The following POU2AF2 variants were observed in gnomAD, a reference collection of about 807,000 sequenced individuals.
The protein encoded by POU2AF2 is POU class 2 homeobox associating factor 2.
the POU2AF2 span, among the ~76,000 whole-genome samples, chr11:111,276,453 A>ATATATATATAT: frequency 2.2e-3 from 81 of 37,502 alleles, no homozygotes; most frequent in East Asian, 3.7e-3. Flanking sequence ...AAAAAAAAAA[A>ATATATATATAT]ATATATATAT....
chr11:111,268,474 C>CTTTTTT, the POU2AF2 span, among the ~76,000 whole-genome samples: 102 of 70,820 alleles, frequency 1.4e-3, 6 homozygotes, highest in South Asian at 3.4e-3. Flanking sequence ...CTACATTTTT[C>CTTTTTT]TTTTTTTATT....
chr11:111,276,623 C>G, the POU2AF2 span, among the ~76,000 whole-genome samples: 1 of 139,104 alleles, frequency 7.2e-6, no homozygotes, highest in Admixed American at 7.4e-5. Context: ...GCCTGGGTGA[C>G]AGTGTGAGAT....
At chr11:111,253,970 G>A in the POU2AF2 span, among the ~76,000 whole-genome samples, 21 of 152,120 alleles carry the variant, frequency 1.4e-4, no homozygotes, top group Admixed American at 3.9e-4. Context: ...GAAGTGATGC[G>A]TTCTGGGTTT....
chr11:111,284,356 A>G, the POU2AF2 span: 2 of 1,607,766 alleles, frequency 1.2e-6, no homozygotes. Flanking sequence ...CCTTCCCCGG[A>G]GACCCAGCTC....
At chr11:111,275,486 C>T in the POU2AF2 span, among the ~76,000 whole-genome samples, 2 of 152,128 alleles carry the variant, frequency 1.3e-5, no homozygotes, top group Non-Finnish European at 2.9e-5. Context: ...GGAGGCTGAA[C>T]CTTGGACTCC....
chr11:111,270,999 G>C, the POU2AF2 span, among the ~76,000 whole-genome samples: 51 of 152,048 alleles, frequency 3.4e-4, no homozygotes, highest in Middle Eastern at 3.2e-3. Context: ...AAATTTCCTC[G>C]AGCAATATTT....
At chr11:111,264,307 C>T in the POU2AF2 span, among the ~76,000 whole-genome samples, 1 of 151,840 alleles carries the variant, frequency 6.6e-6, no homozygotes, top group Non-Finnish European at 1.5e-5. Context: ...ACCAGCCTGG[C>T]CAACGTGGTG....
chr11:111,268,539 T>TTTATTTTATTTTA, the POU2AF2 span, among the ~76,000 whole-genome samples: 3 of 102,038 alleles, frequency 2.9e-5, no homozygotes, highest in African/African-American at 1.4e-4. Flanking sequence ...TTTATTTTAT[T>TTTATTTTATTTTA]TTATTTTATT....
At chr11:111,284,343 C>T in the POU2AF2 span, 11 of 1,609,704 alleles carry the variant, frequency 6.8e-6, no homozygotes, top group East Asian at 2.0e-4. Flanking sequence ...CTCCTGCCAC[C>T]GCCCTTCCCC....
At chr11:111,263,934 G>A in the POU2AF2 span, among the ~76,000 whole-genome samples, 1 of 152,194 alleles carries the variant, frequency 6.6e-6, no homozygotes, top group South Asian at 2.1e-4. Context: ...TTTGCCAAGG[G>A]CTTGGCACAT....
the POU2AF2 span, among the ~76,000 whole-genome samples, chr11:111,259,384 C>T: frequency 1.3e-5 from 2 of 149,360 alleles, no homozygotes; most frequent in African/African-American, 2.5e-5. Flanking sequence ...GGCACAATCT[C>T]GGCTCACTGC....
chr11:111,264,590 CAGAAAGA>C, the POU2AF2 span, among the ~76,000 whole-genome samples: 1 of 111,818 alleles, frequency 8.9e-6, no homozygotes, highest in Non-Finnish European at 1.9e-5. Flanking sequence ...GAGAGAAAGA[CAGAAAGA>C]AGAAAGAGAC....
the POU2AF2 span, among the ~76,000 whole-genome samples, chr11:111,264,865 A>G: frequency 1.4e-5 from 2 of 142,190 alleles, no homozygotes; most frequent in Non-Finnish European, 3.1e-5. Flanking sequence ...GAAAAGAGAC[A>G]GAAGGAAGGA....
chr11:111,246,471 A>T, the POU2AF2 span, among the ~76,000 whole-genome samples: 1 of 152,222 alleles, frequency 6.6e-6, no homozygotes, highest in South Asian at 2.1e-4. Context: ...TCGCGAACAA[A>T]TTTAAGATTG....
the POU2AF2 span, among the ~76,000 whole-genome samples, chr11:111,265,690 G>A: frequency 5.2e-3 from 792 of 152,184 alleles, 2 homozygotes; most frequent in Middle Eastern, 0.01. Flanking sequence ...AAATGTCTCA[G>A]CAAAGGTGTG....
chr11:111,284,495 G>A, the POU2AF2 span: 4 of 1,257,694 alleles, frequency 3.2e-6, no homozygotes, highest in Non-Finnish European at 4.3e-6. Flanking sequence ...GTAGACTCCA[G>A]AGGCTGCTTT....
At chr11:111,277,663 G>A in the POU2AF2 span, among the ~76,000 whole-genome samples, 1 of 152,224 alleles carries the variant, frequency 6.6e-6, no homozygotes, top group South Asian at 2.1e-4. Flanking sequence ...TGTCTCACAG[G>A]GGCCTTGATC....
At chr11:111,266,332 C>G in the POU2AF2 span, among the ~76,000 whole-genome samples, 1 of 152,068 alleles carries the variant, frequency 6.6e-6, no homozygotes, top group Non-Finnish European at 1.5e-5. Flanking sequence ...GTAGATTTTC[C>G]CAGACCTCAG....
At chr11:111,262,805 T>A in the POU2AF2 span, among the ~76,000 whole-genome samples, 1 of 152,348 alleles carries the variant, frequency 6.6e-6, no homozygotes, top group Non-Finnish European at 1.5e-5. Flanking sequence ...TAAATTTTAC[T>A]GTGTATAACT....
Sources: allele counts gnomAD v4.1 joint callset (sites outside exome capture counted in the v4.1 genomes callset), GRCh38; gene constraint gnomAD v4.1.1; transcripts MANE v1.5; gene names NCBI Gene and HGNC (gene_info 2026-07-23, HGNC 2026-07-21).